Variants in CACNB4 observed in about 807,000 individuals in gnomAD.
The protein encoded by CACNB4 is calcium voltage-gated channel auxiliary subunit beta 4.
Under a neutral mutation model 71.2 loss-of-function variants are expected in CACNB4, and 32 were observed. The observed-to-expected ratio is 0.45, with a 90% CI of 0.34 to 0.60. The LOEUF is 0.60. Ranked by LOEUF, CACNB4 falls within the 20% of genes least tolerant of loss-of-function variation. The probability of loss-of-function intolerance (pLI) is 0.01; values close to 1 mark genes in which losing one functional copy is unlikely to be tolerated. For missense variants in CACNB4, 464 were observed against 647.9 expected (o/e 0.72, Z 3.08); for synonymous variants, 231 against 236.9 (o/e 0.97, Z 0.23).
intron 3 of CACNB4, chr2:151,882,903 A>G: frequency 2.9e-6 from 1 of 347,288 alleles, no homozygotes; most frequent in Non-Finnish European, 5.6e-6. Context: ...GCCTGTAATA[A>G]AGGCTGAAGT....
At chr2:151,908,556 G>A (rs969037263) in intron 2 of CACNB4, among the ~76,000 whole-genome samples, 5 of 152,142 alleles carry the variant, frequency 3.3e-5, no homozygotes, top group African/African-American at 4.8e-5. Context: ...AGGAAGCATG[G>A]GGGAAGCTGC....
chr2:151,984,025 T>C (rs1163044559), intron 2 of CACNB4, among the ~76,000 whole-genome samples: 1 of 152,204 alleles, frequency 6.6e-6, no homozygotes, highest in African/African-American at 2.4e-5. Context: ...TGTTACTCTT[T>C]TAATATCAAA....
chr2:151,946,413 G>T lies in CACNB4; in HGVS notation c.148-63043C>A, dbSNP rs76871584. On this transcript the variant is annotated intron_variant, in intron 2 of 13. Coordinates refer to ENST00000539935, the MANE Select transcript of CACNB4 (RefSeq NM_000726.5). ...GACTTCAGTGTTTCCCAGGACACAG[G>T]ACAGTCCCAGGCAAACCCTGATGGC... Among the ~76,000 whole-genome samples, 1,269 of 151,948 alleles carry T rather than the reference G, an allele frequency of 8.4e-3. 14 individuals carry two copies. Among genetic ancestry groups the T allele is most frequent in the African/African-American group, 0.029 (1,190 of 41,434 alleles).
chr2:151,853,920 C>G (rs187642470), intron 11 of CACNB4: 103 of 156,002 alleles, frequency 6.6e-4, no homozygotes, highest in Non-Finnish European at 1.1e-3. Flanking sequence ...ATCTCCATGT[C>G]AGATAAATGT....
chr2:151,902,956 G>A (rs1000214049), intron 2 of CACNB4, among the ~76,000 whole-genome samples: 1 of 152,130 alleles, frequency 6.6e-6, no homozygotes, highest in Non-Finnish European at 1.5e-5. Flanking sequence ...TTTCAGACAG[G>A]AAGTTTTCAA....
intron 2 of CACNB4, among the ~76,000 whole-genome samples, chr2:151,933,266 C>A (rs1325331648): frequency 6.6e-6 from 1 of 151,504 alleles, no homozygotes; most frequent in African/African-American, 2.4e-5. Flanking sequence ...CGATGTTGGC[C>A]TTATTAGATA....
chr2:151,882,173 C>T (rs1465191636), intron 3 of CACNB4, among the ~76,000 whole-genome samples: 10 of 144,998 alleles, frequency 6.9e-5, no homozygotes, highest in African/African-American at 7.6e-5. Context: ...GCCACTGCAC[C>T]GGCCCCTCTT....
At chr2:152,019,580 G>A (rs1203216969) in intron 2 of CACNB4, among the ~76,000 whole-genome samples, 4 of 152,042 alleles carry the variant, frequency 2.6e-5, no homozygotes, top group African/African-American at 9.7e-5. Context: ...ATGAACAGGT[G>A]GATGACTGGA....
chr2:151,924,240 G>A (rs1021546846), intron 2 of CACNB4, among the ~76,000 whole-genome samples: 10 of 151,022 alleles, frequency 6.6e-5, no homozygotes, highest in African/African-American at 1.7e-4. Flanking sequence ...TACCACTCCC[G>A]GCTAATTATT....
chr2:151,900,849 C>A (rs572933652), intron 2 of CACNB4, among the ~76,000 whole-genome samples: 6 of 152,264 alleles, frequency 3.9e-5, no homozygotes, highest in African/African-American at 1.2e-4. Flanking sequence ...AGGGGATATA[C>A]ACAATTTACC....
chr2:151,892,172 T>C (rs1256205299), intron 2 of CACNB4, among the ~76,000 whole-genome samples: 1 of 152,194 alleles, frequency 6.6e-6, no homozygotes, highest in Non-Finnish European at 1.5e-5. Flanking sequence ...CGGACTTCTG[T>C]GACTTTTCTG....
intron 2 of CACNB4, among the ~76,000 whole-genome samples, chr2:151,954,632 C>T (rs2099867709): frequency 1.3e-5 from 2 of 151,996 alleles, no homozygotes; most frequent in Admixed American, 1.3e-4. Context: ...TCGGATATGG[C>T]CATCACAGAC....
intron 12 of CACNB4, chr2:151,851,333 T>C (rs2099839029): frequency 6.6e-6 from 1 of 152,222 alleles, no homozygotes; most frequent in South Asian, 2.1e-4. Flanking sequence ...GTAAACAGTG[T>C]TTAGAAAATG....
At chr2:151,955,087 C>G (rs1270114695) in intron 2 of CACNB4, among the ~76,000 whole-genome samples, 1 of 151,968 alleles carries the variant, frequency 6.6e-6, no homozygotes, top group Non-Finnish European at 1.5e-5. Context: ...GATCTCCTGA[C>G]CTTGTGATCC....
At chr2:151,906,523 T>C (rs2099854859) in intron 2 of CACNB4, among the ~76,000 whole-genome samples, 1 of 152,204 alleles carries the variant, frequency 6.6e-6, no homozygotes, top group South Asian at 2.1e-4. Flanking sequence ...ATGGCAAGAA[T>C]AGCTCCTTTG....
At chr2:151,847,310 G>T (rs2099837852) in intron 12 of CACNB4, among the ~76,000 whole-genome samples, 1 of 151,914 alleles carries the variant, frequency 6.6e-6, no homozygotes, top group South Asian at 2.1e-4. Context: ...AGCTGGGGAG[G>T]TCATGATTGC....
At chr2:151,905,691 A>G (rs2099854625) in intron 2 of CACNB4, among the ~76,000 whole-genome samples, 1 of 152,250 alleles carries the variant, frequency 6.6e-6, no homozygotes, top group Non-Finnish European at 1.5e-5. Flanking sequence ...TCAAGAAAAC[A>G]TGACATGTAA....
At chr2:152,009,169 A>G (rs1163040686) in intron 2 of CACNB4, among the ~76,000 whole-genome samples, 4 of 151,104 alleles carry the variant, frequency 2.6e-5, no homozygotes, top group Admixed American at 2.6e-4. Context: ...CTAGCCTGGG[A>G]AACAGTGAGA....
chr2:151,877,234 G>A (rs549456298), intron 4 of CACNB4, among the ~76,000 whole-genome samples: 6 of 152,100 alleles, frequency 3.9e-5, no homozygotes, highest in South Asian at 2.1e-4. Context: ...TGCAGACCAC[G>A]TGGTCTCTGT....
Sources: allele counts gnomAD v4.1 joint callset (sites outside exome capture counted in the v4.1 genomes callset), GRCh38; gene constraint gnomAD v4.1.1; transcripts MANE v1.5; gene names NCBI Gene and HGNC (gene_info 2026-07-23, HGNC 2026-07-21).